MSI2: variants seen among roughly 807,000 people sequenced by gnomAD.
MSI2 encodes musashi RNA binding protein 2.
A neutral mutation model predicts 45.6 loss-of-function variants in MSI2; 17 were observed. The ratio of observed to expected loss-of-function variants is 0.37; its 90% CI spans 0.26 to 0.56. MSI2 has a LOEUF of 0.56. Among genes scored for constraint, MSI2 ranks in the 20% least tolerant of loss-of-function variants. MSI2 has a pLI of 0.77. For synonymous variants in MSI2, 156 were observed against 158.2 expected (o/e 0.99, Z 0.11); for missense variants, 293 against 444.2 (o/e 0.66, Z 3.06).
At position 57,652,864 on chromosome 17, in the gene MSI2, C is replaced by A. The variant is rs561583421; in HGVS notation, c.790+703C>A. ...TTCCCAGCATTATCATGGGGTCAGG[C>A]CAGAGCTGGGATATGTCCAGGGTGC... On this transcript the variant is annotated intron_variant, in intron 11 of 13. Coordinates refer to ENST00000284073, the MANE Select transcript of MSI2 (RefSeq NM_138962.4). The surrounding 1 kb of genome is among the most constrained non-coding windows in gnomAD (Gnocchi z 4.1). 4.6e-5 allele frequency among the ~76,000 whole-genome samples: 7 copies of A among 152,324 alleles called. No individual in the cohort carries two copies. The East Asian group carries it at 1.4e-3, about 29-fold the overall frequency.
At chr17:57,558,725 C>T (rs1400970169) in intron 7 of MSI2, among the ~76,000 whole-genome samples, 3 of 152,226 alleles carry the variant, frequency 2.0e-5, no homozygotes, top group African/African-American at 7.2e-5. Flanking sequence ...TCCTGAATCA[C>T]AGAACCTCCC....
chr17:57,574,600 G>A (rs139086137), intron 7 of MSI2, among the ~76,000 whole-genome samples: 1 of 152,304 alleles, frequency 6.6e-6, no homozygotes, highest in Non-Finnish European at 1.5e-5. Flanking sequence ...TGTCAGGCTG[G>A]CATGTGTGCC....
At chr17:57,561,229 C>T (rs1250137551) in intron 7 of MSI2, among the ~76,000 whole-genome samples, 1 of 152,026 alleles carries the variant, frequency 6.6e-6, no homozygotes, top group Non-Finnish European at 1.5e-5. Flanking sequence ...TGTGGGTGGG[C>T]CTGGGAGCTT....
At chr17:57,448,339 A>T (rs901369069) in intron 6 of MSI2, 2 of 152,254 alleles carry the variant, frequency 1.3e-5, no homozygotes, top group African/African-American at 4.8e-5. Context: ...AAACTATTGT[A>T]ACAATCATGC....
chr17:57,360,092 C>CG (rs1916718612), intron 5 of MSI2, among the ~76,000 whole-genome samples: 1 of 152,178 alleles, frequency 6.6e-6, no homozygotes. Context: ...CCAGAGCAGG[C>CG]GAGGAGGCAC....
chr17:57,356,469 T>C (rs116900948), intron 5 of MSI2, among the ~76,000 whole-genome samples: 1 of 152,198 alleles, frequency 6.6e-6, no homozygotes, highest in Non-Finnish European at 1.5e-5. Context: ...ATTTTAGATG[T>C]ACAGAGAAGA....
At chr17:57,560,176 C>A (rs2087538459) in intron 7 of MSI2, among the ~76,000 whole-genome samples, 1 of 152,230 alleles carries the variant, frequency 6.6e-6, no homozygotes, top group Non-Finnish European at 1.5e-5. Context: ...CTATTATGGT[C>A]CACGGAAGCA....
intron 5 of MSI2, among the ~76,000 whole-genome samples, chr17:57,391,218 A>G (rs1163585107): frequency 1.3e-5 from 2 of 152,180 alleles, no homozygotes; most frequent in East Asian, 1.9e-4. Context: ...GGCACTGAGG[A>G]GATTCCAGCC....
intron 6 of MSI2, among the ~76,000 whole-genome samples, chr17:57,505,944 G>A (rs2086218322): frequency 1.3e-5 from 2 of 152,308 alleles, no homozygotes; most frequent in African/African-American, 4.8e-5. Context: ...AAATAAAGCA[G>A]CCTTCCTTCT....
At chr17:57,597,077 G>A (rs539813716) in intron 8 of MSI2, 127 bp downstream of exon 8, 23 of 663,306 alleles carry the variant, frequency 3.5e-5, no homozygotes, top group African/African-American at 2.1e-4. Context: ...CTAGATGCTC[G>A]GGGTCCAGGC....
chr17:57,446,219 A>G (rs2084897881), intron 6 of MSI2, among the ~76,000 whole-genome samples: 1 of 152,204 alleles, frequency 6.6e-6, no homozygotes, highest in African/African-American at 2.4e-5. Flanking sequence ...GCAAGTGATC[A>G]TCCAAGGACA....
intron 5 of MSI2, among the ~76,000 whole-genome samples, chr17:57,361,852 A>G (rs1327627192): frequency 6.6e-6 from 1 of 152,246 alleles, no homozygotes; most frequent in African/African-American, 2.4e-5. Context: ...TCTGAGCCCA[A>G]AATTGGAACA....
intron 6 of MSI2, among the ~76,000 whole-genome samples, chr17:57,489,675 C>G (rs2085829512): frequency 6.6e-6 from 1 of 152,216 alleles, no homozygotes; most frequent in Non-Finnish European, 1.5e-5. Flanking sequence ...CTTAACTCCT[C>G]CCTGGCACAT....
At chr17:57,505,227 A>G (rs1046774224) in intron 6 of MSI2, among the ~76,000 whole-genome samples, 1 of 152,134 alleles carries the variant, frequency 6.6e-6, no homozygotes, top group African/African-American at 2.4e-5. Context: ...GAGCACAGAG[A>G]GGCAATGGCT....
chr17:57,260,687 C>T (rs1319342805), intron 4 of MSI2, among the ~76,000 whole-genome samples: 1 of 152,078 alleles, frequency 6.6e-6, no homozygotes, highest in Non-Finnish European at 1.5e-5. Context: ...AGATTTTTGT[C>T]TATTTTAGTT....
At chr17:57,439,597 C>T (rs572460603) in intron 6 of MSI2, among the ~76,000 whole-genome samples, 5 of 148,046 alleles carry the variant, frequency 3.4e-5, no homozygotes, top group Non-Finnish European at 5.9e-5. Context: ...CTCGCTCTGT[C>T]GCTCAGGCTG....
chr17:57,266,717 A>T (rs1907823383), intron 5 of MSI2: 1 of 152,220 alleles, frequency 6.6e-6, no homozygotes, highest in Non-Finnish European at 1.5e-5. Flanking sequence ...CTGAAGGAAA[A>T]TCTTAATTGG....
chr17:57,403,611 A>T (rs1469400585), intron 6 of MSI2, among the ~76,000 whole-genome samples: 2 of 152,280 alleles, frequency 1.3e-5, no homozygotes, highest in South Asian at 4.1e-4. Flanking sequence ...ATGCTCTTCA[A>T]TGCTCATATT....
intron 5 of MSI2, among the ~76,000 whole-genome samples, chr17:57,300,879 C>T (rs1911366063): frequency 6.6e-6 from 1 of 152,180 alleles, no homozygotes; most frequent in East Asian, 1.9e-4. Context: ...AATTATCTTC[C>T]ACTGGATCCC....
Sources: gnomAD v4.1 joint callset for allele counts (sites outside exome capture counted in the v4.1 genomes callset) on GRCh38, gnomAD v4.1.1 for gene constraint, Gnocchi (gnomAD v3.1) non-coding constraint, MANE v1.5 for transcripts, NCBI Gene and HGNC (gene_info 2026-07-23, HGNC 2026-07-21) for gene names.